The following UNC5D variants were observed in gnomAD, a reference collection of about 807,000 sequenced individuals.
UNC5D encodes the protein netrin receptor UNC5D.
Under a neutral mutation model 105.4 loss-of-function variants are expected in UNC5D, and 39 were observed. The ratio of observed to expected loss-of-function variants is 0.37; its 90% CI spans 0.29 to 0.48. The LOEUF (loss-of-function observed/expected upper bound fraction) is 0.48. Ranked by LOEUF, UNC5D falls within the 20% of genes least tolerant of loss-of-function variation. UNC5D has a pLI of 0.98. For missense variants in UNC5D, 991 were observed against 1,202.4 expected (o/e 0.82, Z 2.60); for synonymous variants, 452 against 450.4 (o/e 1.00, Z -0.04).
chr8:35,758,147 G>T (rs1341236002), intron 13 of UNC5D, among the ~76,000 whole-genome samples: 1 of 152,102 alleles, frequency 6.6e-6, no homozygotes, highest in Admixed American at 6.5e-5. Context: ...ATTTAGTCCT[G>T]GAAAAAGATA....
intron 1 of UNC5D, among the ~76,000 whole-genome samples, chr8:35,393,027 A>G (rs1277330370): frequency 6.7e-6 from 1 of 150,256 alleles, no homozygotes; most frequent in Non-Finnish European, 1.5e-5. Context: ...GGAAACCACT[A>G]TTCTTTTCAT....
chr8:35,641,389 A>G (rs929053346), intron 4 of UNC5D, among the ~76,000 whole-genome samples: 2 of 151,146 alleles, frequency 1.3e-5, no homozygotes, highest in Non-Finnish European at 3.0e-5. Flanking sequence ...AAAAAAAGAA[A>G]AAAAAAAACA....
At chr8:35,271,680 TA>T (rs1805364470) in intron 1 of UNC5D, among the ~76,000 whole-genome samples, 1 of 80,988 alleles carries the variant, frequency 1.2e-5, no homozygotes, top group South Asian at 3.5e-4. Context: ...TATACATATA[TA>T]TGTATACATG....
At chr8:35,727,802 A>T (rs1275827546) in intron 10 of UNC5D, 5 of 152,128 alleles carry the variant, frequency 3.3e-5, no homozygotes, top group African/African-American at 4.8e-5. Context: ...TAATTCTTCC[A>T]GTTGATAATT....
intron 4 of UNC5D, among the ~76,000 whole-genome samples, chr8:35,649,987 A>G (rs1227071386): frequency 6.6e-6 from 1 of 152,198 alleles, no homozygotes; most frequent in Non-Finnish European, 1.5e-5. Context: ...TTTAATAATC[A>G]TGGGTCAGAT....
At chr8:35,784,456 T>A (rs990093298) in intron 16 of UNC5D, among the ~76,000 whole-genome samples, 1 of 152,050 alleles carries the variant, frequency 6.6e-6, no homozygotes, top group African/African-American at 2.4e-5. Context: ...ATTTAGAGAT[T>A]AGATTGTTTA....
chr8:35,674,563 C>T (rs1019948977), intron 4 of UNC5D, among the ~76,000 whole-genome samples: 11 of 152,158 alleles, frequency 7.2e-5, no homozygotes, highest in Non-Finnish European at 7.3e-5. Context: ...GTATTTGGCA[C>T]ATGGTAAGTG....
At chr8:35,438,891 A>G (rs940997574) in intron 1 of UNC5D, among the ~76,000 whole-genome samples, 5 of 152,050 alleles carry the variant, frequency 3.3e-5, no homozygotes, top group African/African-American at 7.2e-5. Context: ...ATGTCAGATA[A>G]TTCTGAGGTC....
At chr8:35,298,621 C>T (rs112168374) in intron 1 of UNC5D, among the ~76,000 whole-genome samples, 5 of 97,724 alleles carry the variant, frequency 5.1e-5, no homozygotes, top group African/African-American at 1.2e-4. Flanking sequence ...TACTGCAAGG[C>T]GGGGAGAAGG....
intron 3 of UNC5D, among the ~76,000 whole-genome samples, chr8:35,593,402 C>G (rs1350240839): frequency 1.3e-5 from 2 of 151,914 alleles, no homozygotes; most frequent in African/African-American, 4.8e-5. Context: ...CAGCACTGAA[C>G]AAAACTTCCT....
chr8:35,418,705 T>C (rs1482523637), intron 1 of UNC5D, among the ~76,000 whole-genome samples: 1 of 152,182 alleles, frequency 6.6e-6, no homozygotes, highest in Non-Finnish European at 1.5e-5. Context: ...TCATATCTCA[T>C]CAGTAATATC....
intron 12 of UNC5D, among the ~76,000 whole-genome samples, chr8:35,749,322 C>G (rs1200938893): frequency 6.6e-6 from 1 of 152,110 alleles, no homozygotes; most frequent in Non-Finnish European, 1.5e-5. Flanking sequence ...TGACAGATTG[C>G]AATTGAATTA....
At chr8:35,272,778 A>G (rs1805508695) in intron 1 of UNC5D, among the ~76,000 whole-genome samples, 1 of 152,204 alleles carries the variant, frequency 6.6e-6, no homozygotes, top group Non-Finnish European at 1.5e-5. Context: ...GGTTTTCAGT[A>G]GTCACTGTGA....
intron 4 of UNC5D, among the ~76,000 whole-genome samples, chr8:35,664,626 G>A (rs1332426146): frequency 1.3e-5 from 2 of 151,962 alleles, no homozygotes; most frequent in Admixed American, 6.6e-5. Flanking sequence ...GGATCCACCC[G>A]CCTCAGCCTC....
intron 1 of UNC5D, among the ~76,000 whole-genome samples, chr8:35,253,473 C>CTTTTTTTTTTTTT (rs58063448): frequency 1.4e-4 from 14 of 99,848 alleles, no homozygotes; most frequent in African/African-American, 1.5e-4. Flanking sequence ...ATTTTATTTC[C>CTTTTTTTTTTTTT]TTTTTTTTTT....
chr8:35,387,196 TA>T (rs1173435041), intron 1 of UNC5D, among the ~76,000 whole-genome samples: 2 of 151,632 alleles, frequency 1.3e-5, no homozygotes, highest in Admixed American at 6.6e-5. Flanking sequence ...CTGTCTCTAC[TA>T]AAAAATACAA....
intron 1 of UNC5D, among the ~76,000 whole-genome samples, chr8:35,263,164 T>G (rs1329041451): frequency 1.3e-5 from 2 of 152,192 alleles, no homozygotes; most frequent in African/African-American, 4.8e-5. Flanking sequence ...GACAAACTCC[T>G]ATTTAACCCT....
At chr8:35,435,090 G>A (rs1426967942) in intron 1 of UNC5D, among the ~76,000 whole-genome samples, 1 of 152,012 alleles carries the variant, frequency 6.6e-6, no homozygotes, top group African/African-American at 2.4e-5. Flanking sequence ...TCTGAAGAGG[G>A]TTCACTGATA....
intron 1 of UNC5D, among the ~76,000 whole-genome samples, chr8:35,480,521 T>C (rs375303701): frequency 1.3e-5 from 2 of 152,220 alleles, no homozygotes; most frequent in South Asian, 2.1e-4. Flanking sequence ...GAAGATGATA[T>C]GTTTTTTCAT....
Sources: allele counts gnomAD v4.1 joint callset (sites outside exome capture counted in the v4.1 genomes callset), GRCh38; gene constraint gnomAD v4.1.1; transcripts MANE v1.5; gene names NCBI Gene and HGNC (gene_info 2026-07-23, HGNC 2026-07-21).